Variants in SCN10A observed in about 807,000 individuals in gnomAD.
SCN10A encodes the protein sodium voltage-gated channel alpha subunit 10.
A neutral mutation model predicts 170.7 loss-of-function variants in SCN10A; 162 were observed. That is an observed-to-expected ratio of 0.95 (90% confidence interval 0.84 to 1.08). The LOEUF is 1.08. SCN10A is among the 50% of genes least tolerant of loss of function. SCN10A has a pLI of 0.00. For synonymous variants in SCN10A, 985 were observed against 904.6 expected, an observed-to-expected ratio of 1.09 and a Z score of -1.59; for missense variants, 2,527 against 2,436.9, an observed-to-expected ratio of 1.04 and a Z score of -0.78.
In SCN10A at chr3:38,697,102, C is replaced by A; in HGVS notation, c.*247G>T. ...GGATATTTTCTGGAGAGTAAGAGAA[C>A]CCATGATCTGATATTGAAATTCAGA... On this transcript the variant is annotated 3_prime_UTR_variant, in exon 28 of 28. Coordinates refer to ENST00000449082, the MANE Select transcript of SCN10A (RefSeq NM_006514.4). 1.8e-6 allele frequency: 1 copy of A among 546,192 alleles called. No individual in the cohort carries two copies. Among genetic ancestry groups the A allele is most frequent in the East Asian group, 3.1e-5 (1 of 32,320 alleles). 33.8% of individuals were successfully genotyped at this position (546,192 alleles called of 1,614,324 possible).
Position 38,793,990 on chromosome 3 carries a change from G to T in SCN10A, c.21C>A (p.Ser7=). Residue 7 remains serine, a synonymous_variant, in exon 2 of 28, where the codon TCC becomes TCA. Transcript: ENST00000449082. MEFPIG[S]LETNNFRRFT... is the part of the protein sequence containing the mutation. ...AGCGACGGAAGTTGTTAGTTTCGAGGGATCCAATGGGGAATTCCATCTTCT... is the reference window on the plus strand; with the variant it reads ...AGCGACGGAAGTTGTTAGTTTCGAGTGATCCAATGGGGAATTCCATCTTCT... 1 of 1,613,806 alleles carries T rather than the reference G, an allele frequency of 6.2e-7. No individual in the cohort carries two copies. Among genetic ancestry groups the T allele is most frequent in the Non-Finnish European group, 8.5e-7 (1 of 1,179,796 alleles).
chr3:38,697,094 T>C lies in SCN10A; in HGVS notation c.*255A>G. On this transcript the variant is annotated 3_prime_UTR_variant, in exon 28 of 28. Coordinates refer to ENST00000449082, the MANE Select transcript of SCN10A (RefSeq NM_006514.4). ...AGGACAAGGGATATTTTCTGGAGAG[T>C]AAGAGAACCCATGATCTGATATTGA... The C allele has an allele frequency of 1.9e-6, 1 of 525,564 alleles. No individual in the cohort carries two copies. Among genetic ancestry groups the C allele is most frequent in the Non-Finnish European group, 3.4e-6 (1 of 297,202 alleles). 32.6% of individuals were successfully genotyped at this position (525,564 alleles called of 1,614,324 possible). A position where few individuals can be genotyped will look rare whatever the true frequency, so the allele number is the denominator to read the frequency against.
At chr3:38,756,575 C>A in intron 10 of SCN10A, 99 bp downstream of exon 10, 1 of 918,900 alleles carries the variant, frequency 1.1e-6, no homozygotes, top group South Asian at 1.4e-5. Flanking sequence ...CCTCCTATAG[C>A]TCCCTAAACG....
intron 15 of SCN10A, 50 bp from the exon 16 acceptor site, chr3:38,728,951 T>C (rs1408271988): frequency 6.5e-7 from 1 of 1,539,138 alleles, no homozygotes; most frequent in Non-Finnish European, 8.7e-7. Flanking sequence ...CTCATTACCT[T>C]TCATCTAAAG....
Position 38,703,865 on chromosome 3 carries a change from TTGTC to T in SCN10A, c.4387-1760_4387-1757del, listed in dbSNP as rs1446183428. Among the ~76,000 whole-genome samples the T allele has an allele frequency of 2.6e-5, 4 of 152,208 alleles. No individual in the cohort carries two copies. In the East Asian group the frequency reaches 5.8e-4, roughly 22 times the overall value. Reference sequence around the variant, plus strand: ...ACTGTAAACTGTAAGAGTAGGAACTTTGTCTGTCTTGCTCACTGCTCTAACCCTG... The same window carrying T: ...ACTGTAAACTGTAAGAGTAGGAACTTTGTCTTGCTCACTGCTCTAACCCTG... On this transcript the variant is annotated intron_variant, in intron 26 of 27. Coordinates refer to ENST00000449082, the MANE Select transcript of SCN10A (RefSeq NM_006514.4).
At chr3:38,750,852 C>T (rs958873150) in intron 12 of SCN10A, among the ~76,000 whole-genome samples, 3 of 152,192 alleles carry the variant, frequency 2.0e-5, no homozygotes, top group Non-Finnish European at 4.4e-5. Context: ...AGGGTGGGGG[C>T]CCATCACAAG....
Position 38,726,719 on chromosome 3 carries a change from T to C in SCN10A, c.2974A>G (p.Thr992Ala), listed in dbSNP as rs765269419. Residue 992 changes from threonine (T) to alanine (A), a missense_variant, in exon 17 of 28, where the codon ACT becomes GCT. Coordinates refer to ENST00000449082, the MANE Select transcript of SCN10A (RefSeq NM_006514.4). ...DEHSDFIANPTVWVSVPIAEG... is the reference protein window; with the variant it reads ...DEHSDFIANPAVWVSVPIAEG... ...GCAATGGGCACAGAGACCCACACAG[T>C]CGGATTAGCGATGAAGTCACTGTGC... 6.2e-6 allele frequency: 10 copies of C among 1,612,924 alleles called. No homozygotes were observed. In the South Asian group the frequency reaches 1.1e-4, roughly 18 times the overall value.
Position 38,792,037 on chromosome 3 carries a change from G to A in SCN10A, c.389+13C>T, listed in dbSNP as rs779575384. 48 of 1,612,974 alleles carry A rather than the reference G, an allele frequency of 3.0e-5. No individual in the cohort carries two copies. Among genetic ancestry groups the A allele is most frequent in the African/African-American group, 1.2e-4 (9 of 74,970 alleles). On this transcript the variant is annotated intron_variant, in intron 3 of 27. Transcript: ENST00000449082. ...ATTGTAACACGTGGAAGAGGCAATC[G>A]TGCAAAGGATATGAGTGGACAGACA...
At chr3:38,771,619 G>A (rs2064001651) in intron 4 of SCN10A, among the ~76,000 whole-genome samples, 1 of 152,238 alleles carries the variant, frequency 6.6e-6, no homozygotes, top group Non-Finnish European at 1.5e-5. Context: ...GATGGAGTGG[G>A]GAGGGATGTG....
chr3:38,730,501 CAA>C (rs1419573225), intron 15 of SCN10A, among the ~76,000 whole-genome samples: 1 of 152,058 alleles, frequency 6.6e-6, no homozygotes, highest in African/African-American at 2.4e-5. Context: ...AATGAGTCAT[CAA>C]GAGTGAATGA....
Position 38,792,116 on chromosome 3 carries a change from C to G in SCN10A, c.323G>C (p.Arg108Pro). 2 of 1,613,808 alleles carry G rather than the reference C, an allele frequency of 1.2e-6. No homozygotes were observed. The highest frequency in any genetic ancestry group is 1.7e-6 in the Non-Finnish European group (2 of 1,179,810). The change falls in exon 3 of 28, where the codon CGG (arginine) becomes CCG (proline). Residue 108 changes from arginine (R) to proline (P), a missense_variant. By Grantham distance (103) the Arg-to-Pro change is moderately radical (BLOSUM62 -2). Coordinates refer to ENST00000449082, the MANE Select transcript of SCN10A (RefSeq NM_006514.4). ...GRTISRFSAT[R>P]ALWLFSPFNL... ...GAAAGGACTGAATAGCCACAGGGCCCGAGTGGCACTAAACCGGGAAATGGT... is the reference window on the plus strand; with the variant it reads ...GAAAGGACTGAATAGCCACAGGGCCGGAGTGGCACTAAACCGGGAAATGGT...
chr3:38,761,815 A>AGG (rs2063875283), intron 6 of SCN10A, among the ~76,000 whole-genome samples: 4 of 142,004 alleles, frequency 2.8e-5, no homozygotes, highest in South Asian at 2.3e-4. Flanking sequence ...ACTGTGTGTG[A>AGG]GTGTGTGTGT....
At chr3:38,712,861 T>C (rs1287596450) in intron 22 of SCN10A, among the ~76,000 whole-genome samples, 4 of 152,140 alleles carry the variant, frequency 2.6e-5, no homozygotes, top group African/African-American at 4.8e-5. Flanking sequence ...AAAACCTAAA[T>C]CCATATTCAC....
intron 19 of SCN10A, 72 bp from the exon 20 acceptor site, chr3:38,722,484 A>T (rs2063401985): frequency 2.0e-6 from 3 of 1,534,346 alleles, no homozygotes; most frequent in Admixed American, 3.8e-5. Context: ...CCTGCTGCAG[A>T]GAAACCATTC....
At chr3:38,707,127 G>C in intron 26 of SCN10A, 152 bp downstream of exon 26, 1 of 630,194 alleles carries the variant, frequency 1.6e-6, no homozygotes, top group South Asian at 2.7e-5. Context: ...CTCATTCCTT[G>C]GGCCTAGGAA....
rs142217269 is a variant in SCN10A, at chr3:38,701,928, C to T, written c.4568G>A (p.Cys1523Tyr). ...CCTCAAAGCGAACATCTTCATGACA[C>T]ATTCGCCTGTGAAGACGGCCACAAA... ...QFFVAVFTGE[C>Y]VMKMFALRQY... Residue 1523 changes from cysteine (C) to tyrosine (Y), a missense_variant, in exon 27 of 28, where the codon TGT (cysteine) becomes TAT (tyrosine). Physicochemically the swap from Cys to Tyr is radical, Grantham distance 194. Coordinates refer to ENST00000449082, the MANE Select transcript of SCN10A (RefSeq NM_006514.4). 3,331 of 1,614,208 alleles carry T rather than the reference C, an allele frequency of 2.1e-3. 6 individuals are homozygous for T. Among genetic ancestry groups the T allele is most frequent in the Non-Finnish European group, 2.7e-3 (3,185 of 1,180,024 alleles).
chr3:38,779,999 A>G (rs1028111863), intron 4 of SCN10A, among the ~76,000 whole-genome samples: 1 of 151,952 alleles, frequency 6.6e-6, no homozygotes, highest in Admixed American at 6.6e-5. Context: ...GTAGTTTGCT[A>G]TATATTAATC....
At chr3:38,800,454 C>CA (rs1032937258) in intron 1 of SCN10A, among the ~76,000 whole-genome samples, 2 of 152,174 alleles carry the variant, frequency 1.3e-5, no homozygotes, top group African/African-American at 2.4e-5. Flanking sequence ...AAATTCTCTG[C>CA]AACTGTGAGG....
chr3:38,795,407 C>A (rs981360354), intron 1 of SCN10A, among the ~76,000 whole-genome samples: 4 of 139,658 alleles, frequency 2.9e-5, no homozygotes, highest in Non-Finnish European at 6.0e-5. Flanking sequence ...GTGGTGCAAT[C>A]TCTGCTCACT....
Sources: allele counts gnomAD v4.1 joint callset (sites outside exome capture counted in the v4.1 genomes callset), GRCh38; gene constraint gnomAD v4.1.1; transcripts MANE v1.5; gene names NCBI Gene and HGNC (gene_info 2026-07-23, HGNC 2026-07-21).